The following MAP2K4 variants were observed in gnomAD, a reference collection of about 807,000 sequenced individuals.
The protein encoded by MAP2K4 is dual specificity mitogen-activated protein kinase kinase 4.
In MAP2K4, 4 loss-of-function variants were observed where a neutral mutation model predicts 48.5. The observed-to-expected ratio is 0.08, with a 90% CI of 0.04 to 0.19. The LOEUF is 0.19. Among genes scored for constraint, MAP2K4 ranks in the 10% least tolerant of loss-of-function variants. The probability of loss-of-function intolerance (pLI) is 1.00; values close to 1 mark genes in which losing one functional copy is unlikely to be tolerated. For synonymous variants in MAP2K4, 166 were observed against 173.1 expected (o/e 0.96, Z 0.32); for missense variants, 258 against 493.3 (o/e 0.52, Z 4.52).
rs771926980 is a variant in MAP2K4 at position 12,141,192 on chromosome 17, G to A, written c.1132G>A (p.Ala378Thr). ...LMYEERAVEV[A>T]CYVCKILDQM... ...GTATGAAGAACGTGCCGTTGAGGTC[G>A]CATGCTATGTTTGTAAAATCCTGGA... Residue 378 changes from alanine (A) to threonine (T), a missense_variant, in exon 11 of 11, where the codon GCA becomes ACA. By Grantham distance (58) the Ala-to-Thr change is moderately conservative. Around this residue, in one of 3 missense-constraint regions of MAP2K4, gnomAD observed 57 missense variants for 84.3 expected, o/e 0.68. Coordinates refer to ENST00000353533, the MANE Select transcript of MAP2K4 (RefSeq NM_003010.4). 6.2e-6 allele frequency: 10 copies of A among 1,613,642 alleles called. 1 individual carries two copies. The highest frequency in any genetic ancestry group is 3.3e-5 in the South Asian group (3 of 91,062).
intron 6 of MAP2K4, 189 bp downstream of exon 6, chr17:12,110,615 G>C: frequency 1.8e-6 from 1 of 556,114 alleles, no homozygotes; most frequent in East Asian, 3.1e-5. Context: ...ATAAATTTCA[G>C]TCTATCTTAG....
intron 9 of MAP2K4, among the ~76,000 whole-genome samples, chr17:12,138,955 G>C (rs956070090): frequency 1.3e-5 from 2 of 152,138 alleles, no homozygotes; most frequent in African/African-American, 4.8e-5. Flanking sequence ...TGAAGAGGCC[G>C]ATAGTAAAGG....
intron 1 of MAP2K4, among the ~76,000 whole-genome samples, chr17:12,041,173 A>G (rs28431434): frequency 0.019 from 2,959 of 152,306 alleles, 87 homozygotes; most frequent in African/African-American, 0.067. Flanking sequence ...ATAGTTTTTT[A>G]TTGTGTCCAC....
intron 3 of MAP2K4, among the ~76,000 whole-genome samples, chr17:12,088,953 C>G (rs1427674695): frequency 6.6e-6 from 1 of 150,646 alleles, no homozygotes; most frequent in Non-Finnish European, 1.5e-5. Context: ...GCTCTGTCAC[C>G]CAGGCTGGAG....
intron 7 of MAP2K4, chr17:12,115,724 C>G (rs1217978404): frequency 2.6e-6 from 2 of 764,952 alleles, no homozygotes; most frequent in Admixed American, 3.4e-5. Context: ...GCTGGGAAAA[C>G]CACTTAAATA....
At chr17:12,075,530 G>A (rs932285737) in intron 2 of MAP2K4, among the ~76,000 whole-genome samples, 2 of 152,230 alleles carry the variant, frequency 1.3e-5, no homozygotes, top group Non-Finnish European at 2.9e-5. Context: ...AGTAGAAGCA[G>A]CGATAACAAA....
chr17:12,083,127 G>A (rs1218179547), intron 3 of MAP2K4, among the ~76,000 whole-genome samples: 2 of 152,176 alleles, frequency 1.3e-5, no homozygotes, highest in Non-Finnish European at 2.9e-5. Context: ...TTTGTGTTAT[G>A]TGTGCTTCAA....
intron 3 of MAP2K4, among the ~76,000 whole-genome samples, chr17:12,085,894 T>C (rs916126117): frequency 1.3e-5 from 2 of 152,256 alleles, no homozygotes; most frequent in African/African-American, 2.4e-5. Flanking sequence ...CTTGGCTTGT[T>C]TTCCTGCCAC....
intron 2 of MAP2K4, among the ~76,000 whole-genome samples, chr17:12,055,897 A>G (rs1597419003): frequency 1.3e-5 from 2 of 152,134 alleles, no homozygotes; most frequent in Middle Eastern, 3.4e-3. Flanking sequence ...TGTAGTAACA[A>G]TTTATTTTTC....
At chr17:12,126,529 CTTG>C (rs904580565) in intron 8 of MAP2K4, among the ~76,000 whole-genome samples, 1 of 152,162 alleles carries the variant, frequency 6.6e-6, no homozygotes, top group Non-Finnish European at 1.5e-5. Flanking sequence ...CAGCCATCTT[CTTG>C]TTGTAGTCTC....
intron 1 of MAP2K4, among the ~76,000 whole-genome samples, chr17:12,035,589 T>C (rs2151512714): frequency 6.6e-6 from 1 of 152,350 alleles, no homozygotes; most frequent in South Asian, 2.1e-4. Context: ...ATCAAAGGAC[T>C]GATTTCTCCA....
chr17:12,053,292 T>A (rs1227189288), intron 1 of MAP2K4, among the ~76,000 whole-genome samples: 3 of 152,096 alleles, frequency 2.0e-5, no homozygotes, highest in Non-Finnish European at 4.4e-5. Context: ...TATCATTATG[T>A]ATATATAATA....
At chr17:12,052,817 G>A (rs28918108) in intron 1 of MAP2K4, among the ~76,000 whole-genome samples, 1,959 of 152,182 alleles carry the variant, frequency 0.013, 24 homozygotes, top group Admixed American at 0.028. Flanking sequence ...TAATTAATAG[G>A]TTCAAGTTCC....
Position 12,108,591 on chromosome 17 carries a change from T to G in MAP2K4, c.633+682T>G, listed in dbSNP as rs184394929. 2.1e-3 allele frequency among the ~76,000 whole-genome samples: 324 copies of G among 152,218 alleles called. 1 individual carries two copies. The highest frequency in any genetic ancestry group is 7.4e-3 in the African/African-American group (309 of 41,564). On this transcript the variant is annotated intron_variant, in intron 5 of 10. Transcript: ENST00000353533. ...TTCCTAAAGGAAAAAGATAATTTAC[T>G]TTTTATAGAGCAAAATTCATAAGAT...
Position 12,020,934 on chromosome 17 carries a change from C to G in MAP2K4, c.48C>G (p.Ser16Arg), listed in dbSNP as rs1969009632. Reference protein sequence around the residue: ...PSGGGGSGGGSGSGTPGPVGS... With the variant: ...PSGGGGSGGGRGSGTPGPVGS... ...GCGGCGGCGGCTCCGGGGGCGGCAG[C>G]GGCAGCGGCACCCCCGGCCCCGTAG... The change falls in exon 1 of 11, where the codon AGC becomes AGG. Residue 16 changes from serine (S) to arginine (R), a missense_variant. Physicochemically the swap from Ser to Arg is moderately radical, Grantham distance 110 (BLOSUM62 -1). This residue lies in a region of MAP2K4 where 69 missense variants were observed against 56.2 expected (regional missense o/e 1.23). Transcript: ENST00000353533. 1 of 1,217,438 alleles carries G rather than the reference C, an allele frequency of 8.2e-7. No homozygotes were observed. The highest frequency in any genetic ancestry group is 1.6e-5 in the African/African-American group (1 of 63,658). 75.4% of individuals were successfully genotyped at this position (1,217,438 alleles called of 1,614,324 possible). A position where few individuals can be genotyped will look rare whatever the true frequency, so the allele number is the denominator to read the frequency against.
chr17:12,065,091 G>A (rs547285820), intron 2 of MAP2K4, among the ~76,000 whole-genome samples: 4 of 152,174 alleles, frequency 2.6e-5, no homozygotes, highest in African/African-American at 9.6e-5. Context: ...AATTTTCTGA[G>A]GTGATGGAAT....
At chr17:12,036,979 A>G (rs564986113) in intron 1 of MAP2K4, among the ~76,000 whole-genome samples, 18 of 152,082 alleles carry the variant, frequency 1.2e-4, no homozygotes, top group African/African-American at 3.9e-4. Context: ...GGGTAGTGTT[A>G]AGTTTCTGTA....
chr17:12,108,060 G>C, intron 5 of MAP2K4, 151 bp downstream of exon 5: 1 of 649,752 alleles, frequency 1.5e-6, no homozygotes, highest in Non-Finnish European at 2.5e-6. Context: ...CTTCTGTGGG[G>C]TAGTTAACAC....
intron 4 of MAP2K4, among the ~76,000 whole-genome samples, chr17:12,101,196 A>G (rs1971925937): frequency 6.6e-6 from 1 of 152,084 alleles, no homozygotes; most frequent in African/African-American, 2.4e-5. Context: ...TAGGTATCAC[A>G]TTTATACTTA....
Sources: gnomAD v4.1 joint callset for allele counts (sites outside exome capture counted in the v4.1 genomes callset) on GRCh38, gnomAD v4.1.1 for gene constraint, gnomAD v4.1.1 regional missense constraint, MANE v1.5 for transcripts, NCBI Gene and HGNC (gene_info 2026-07-23, HGNC 2026-07-21) for gene names.